The following FMN2 variants were observed in gnomAD, a reference collection of about 807,000 sequenced individuals.
The protein encoded by FMN2 is formin-2.
A neutral mutation model predicts 142.3 loss-of-function variants in FMN2; 51 were observed. The ratio of observed to expected loss-of-function variants is 0.36; its 90% CI spans 0.29 to 0.45. The LOEUF (loss-of-function observed/expected upper bound fraction) is 0.45, where lower values mean the gene tolerates loss of function less well. FMN2 is among the 20% of genes least tolerant of loss of function. The pLI is 1.00. For synonymous variants in FMN2, 882 were observed against 869.8 expected (o/e 1.01, Z -0.25); for missense variants, 1,936 against 2,122.8 (o/e 0.91, Z 1.73).
rs546522249 is a variant in FMN2 at position 240,301,355 on chromosome 1, G to A, written c.4215+6472G>A. On this transcript the variant is annotated intron_variant, in intron 8 of 17. Transcript: ENST00000319653. Reference sequence around the variant, plus strand: ...TCCATTTAACTTATTTTGTTGTGACGTGAGTAGCATCTGTATGTGATTGTA... The same window carrying A: ...TCCATTTAACTTATTTTGTTGTGACATGAGTAGCATCTGTATGTGATTGTA... 1.0e-3 allele frequency among the ~76,000 whole-genome samples: 159 copies of A among 151,672 alleles called. 1 individual carries two copies. The highest frequency in any genetic ancestry group is 3.5e-3 in the African/African-American group (147 of 41,480).
At chr1:240,140,263 C>T (rs1422409902) in intron 2 of FMN2, among the ~76,000 whole-genome samples, 1 of 152,160 alleles carries the variant, frequency 6.6e-6, no homozygotes. Context: ...ATTAAGCTTT[C>T]TATGTACCAG....
At chr1:240,214,920 G>T (rs370370913) in intron 6 of FMN2, among the ~76,000 whole-genome samples, 1 of 152,118 alleles carries the variant, frequency 6.6e-6, no homozygotes, top group Non-Finnish European at 1.5e-5. Flanking sequence ...ATAAAAATTA[G>T]CTGGGTGCAG....
chr1:240,100,860 A>G (rs1007413781), intron 1 of FMN2, among the ~76,000 whole-genome samples: 3 of 152,192 alleles, frequency 2.0e-5, no homozygotes, highest in African/African-American at 7.2e-5. Context: ...TCTTGAGAAA[A>G]TCAAGCCTAT....
chr1:240,256,695 G>C (rs1668461246), intron 6 of FMN2, among the ~76,000 whole-genome samples: 2 of 152,084 alleles, frequency 1.3e-5, no homozygotes, highest in Admixed American at 6.5e-5. Context: ...AGGCTGCAGT[G>C]AGCCGAGATC....
chr1:240,092,509 G>A lies in FMN2; in HGVS notation c.400G>A (p.Glu134Lys), dbSNP rs1196521273. 1 of 1,607,854 alleles carries A rather than the reference G, an allele frequency of 6.2e-7. No homozygotes were observed. The highest frequency in any genetic ancestry group is 8.5e-7 in the Non-Finnish European group (1 of 1,177,358). Reference sequence around the variant, plus strand: ...GGACGAGGCCGGCCTGTCGGATACCGAGTGTGCGGACCCTTTTGAGGTGAC... The same window carrying A: ...GGACGAGGCCGGCCTGTCGGATACCAAGTGTGCGGACCCTTTTGAGGTGAC... ...SADEAGLSDT[E>K]CADPFEVTGP... The change falls in exon 1 of 18, where the codon GAG (glutamate) becomes AAG (lysine). Residue 134 changes from glutamate to lysine, a missense_variant. Glu to Lys is a moderately conservative substitution (Grantham distance 56). Around this residue, in one of 8 missense-constraint regions of FMN2, gnomAD observed 751 missense variants for 791.8 expected, o/e 0.95. Coordinates refer to ENST00000319653, the MANE Select transcript of FMN2 (RefSeq NM_020066.5).
intron 15 of FMN2, among the ~76,000 whole-genome samples, chr1:240,405,582 C>T (rs1415259491): frequency 1.3e-5 from 2 of 150,776 alleles, no homozygotes; most frequent in Non-Finnish European, 2.9e-5. Context: ...TGCGCCACTG[C>T]ACTCCAGCCT....
At chr1:240,171,312 G>A in intron 2 of FMN2, 1 of 705,448 alleles carries the variant, frequency 1.4e-6, no homozygotes. Context: ...GAGAAAACCA[G>A]CGTCCATCCT....
At position 240,352,152 on chromosome 1, in the gene FMN2, A is replaced by G. The variant is rs146650984; in HGVS notation, c.4766-3664A>G. Among the ~76,000 whole-genome samples the G allele has an allele frequency of 1.9e-3, 291 of 152,254 alleles. 1 individual carries two copies. Among genetic ancestry groups the G allele is most frequent in the African/African-American group, 6.4e-3 (267 of 41,554 alleles). ...GATTTTACTTTCCTCATTGGGATTG[A>G]AAAGTCACTACTTGAAGACTGTAAT... On this transcript the variant is annotated intron_variant, in intron 13 of 17. Coordinates refer to ENST00000319653, the MANE Select transcript of FMN2 (RefSeq NM_020066.5).
At chr1:240,096,420 T>C (rs1472420561) in intron 1 of FMN2, among the ~76,000 whole-genome samples, 3 of 152,184 alleles carry the variant, frequency 2.0e-5, no homozygotes, top group African/African-American at 7.2e-5. Context: ...ATGGAAACTG[T>C]TCTTATGGTG....
intron 11 of FMN2, among the ~76,000 whole-genome samples, chr1:240,332,453 T>G (rs988267695): frequency 1.3e-5 from 2 of 152,012 alleles, no homozygotes; most frequent in African/African-American, 4.8e-5. Context: ...TGAAACAACT[T>G]TTGCAAATAA....
chr1:240,447,500 A>T (rs1381094442), intron 16 of FMN2, among the ~76,000 whole-genome samples: 1 of 152,214 alleles, frequency 6.6e-6, no homozygotes, highest in South Asian at 2.1e-4. Context: ...GATATACTTC[A>T]TACTCACTAG....
chr1:240,212,543 G>A (rs927634975), intron 6 of FMN2, among the ~76,000 whole-genome samples: 1 of 152,136 alleles, frequency 6.6e-6, no homozygotes, highest in African/African-American at 2.4e-5. Context: ...AAGGGATGAA[G>A]ACTTTATAAA....
intron 15 of FMN2, among the ~76,000 whole-genome samples, chr1:240,406,055 A>AGGGAAGCAGCGTCAGGAGTCG (rs1448855578): frequency 1.4e-4 from 19 of 134,988 alleles, no homozygotes; most frequent in African/African-American, 5.3e-4. Flanking sequence ...GGGGAAGCGA[A>AGGGAAGCAGCGTCAGGAGTCG]GGGAATCAGC....
chr1:240,389,768 A>G (rs1673542269), intron 14 of FMN2, among the ~76,000 whole-genome samples: 1 of 152,148 alleles, frequency 6.6e-6, no homozygotes, highest in Non-Finnish European at 1.5e-5. Flanking sequence ...CCTGGGCAAC[A>G]TAGCGAGACC....
intron 14 of FMN2, among the ~76,000 whole-genome samples, chr1:240,382,925 G>A (rs1181865080): frequency 3.9e-5 from 6 of 152,054 alleles, no homozygotes; most frequent in Non-Finnish European, 8.8e-5. Context: ...CAATAGATCA[G>A]TAGAACAGAA....
intron 3 of FMN2, among the ~76,000 whole-genome samples, chr1:240,184,462 C>T (rs897561985): frequency 4.0e-5 from 6 of 150,072 alleles, no homozygotes; most frequent in African/African-American, 1.2e-4. Flanking sequence ...GTGATCTGCC[C>T]GCCTCGGCCT....
chr1:240,171,923 T>C (rs1171342072), intron 2 of FMN2, among the ~76,000 whole-genome samples: 1 of 152,126 alleles, frequency 6.6e-6, no homozygotes, highest in East Asian at 1.9e-4. Flanking sequence ...AGATACAATG[T>C]CATTCCGCAA....
chr1:240,145,266 C>A, intron 2 of FMN2: 1 of 1,445,304 alleles, frequency 6.9e-7, no homozygotes. Flanking sequence ...TCCTTGTCCC[C>A]GGCATCCCGC....
At chr1:240,333,187 G>A (rs1018513290) in intron 11 of FMN2, among the ~76,000 whole-genome samples, 6 of 151,966 alleles carry the variant, frequency 3.9e-5, no homozygotes, top group Admixed American at 6.6e-5. Flanking sequence ...AAATTAATGC[G>A]CCTAAATAAA....
Sources: allele counts gnomAD v4.1 joint callset (sites outside exome capture counted in the v4.1 genomes callset), GRCh38; gene constraint gnomAD v4.1.1; regional missense constraint gnomAD v4.1.1; transcripts MANE v1.5; gene names NCBI Gene and HGNC (gene_info 2026-07-23, HGNC 2026-07-21).